TOM1: variants seen among roughly 807,000 people sequenced by gnomAD.
The protein encoded by TOM1 is target of myb1 membrane trafficking protein.
In TOM1, 38 loss-of-function variants were observed where a neutral mutation model predicts 61.3. The observed-to-expected ratio is 0.62, with a 90% CI of 0.48 to 0.81. The LOEUF is 0.81. Ranked by LOEUF, TOM1 falls within the 40% of genes least tolerant of loss-of-function variation. The pLI is 0.00. For missense variants in TOM1, 591 were observed against 659.6 expected (o/e 0.90, Z 1.14); for synonymous variants, 270 against 268.8 (o/e 1.00, Z -0.04).
chr22:35,318,154 G>T (rs1927470486), intron 2 of TOM1, 193 bp downstream of exon 2: 1 of 587,330 alleles, frequency 1.7e-6, no homozygotes, highest in Admixed American at 2.9e-5. Context: ...GGAATTCACA[G>T]CTGGCCCCTG....
chr22:35,334,382 G>A lies in TOM1; in HGVS notation c.1082G>A (p.Arg361Gln), dbSNP rs780838595. The part of the protein sequence containing the change: ...AGLQSLEASG[R>Q]LEDEFDMFAL... Reference sequence around the variant, plus strand: ...CTGCAGTCTCTGGAGGCCTCTGGTCGACTGGAAGATGAGTTTGACATGTTT... The same window carrying A: ...CTGCAGTCTCTGGAGGCCTCTGGTCAACTGGAAGATGAGTTTGACATGTTT... Residue 361 changes from arginine (R) to glutamine (Q), a missense_variant, in exon 11 of 15, where the codon CGA becomes CAA. By Grantham distance (43) the Arg-to-Gln change is conservative (BLOSUM62 1). Transcript: ENST00000449058. The A allele has an allele frequency of 8.7e-6, 14 of 1,614,020 alleles. No homozygotes were observed. Among genetic ancestry groups the A allele is most frequent in the East Asian group, 2.2e-5 (1 of 44,890 alleles).
chr22:35,320,481 C>A (rs570780220), intron 2 of TOM1, among the ~76,000 whole-genome samples: 10 of 152,198 alleles, frequency 6.6e-5, no homozygotes. Context: ...CCTCCCCGAC[C>A]TCCCCCACAC....
At chr22:35,312,079 CT>C (rs1259116401) in intron 1 of TOM1, among the ~76,000 whole-genome samples, 4 of 151,970 alleles carry the variant, frequency 2.6e-5, no homozygotes, top group Non-Finnish European at 5.9e-5. Flanking sequence ...GTGGTGAAAC[CT>C]CATCTCTACT....
intron 12 of TOM1, chr22:35,345,246 C>T (rs1601721644): frequency 3.2e-5 from 6 of 188,044 alleles, no homozygotes; most frequent in Admixed American, 2.7e-4. Context: ...TCTGCAGAGA[C>T]ACCAGGGGAT....
At chr22:35,305,176 G>C (rs892605359) in intron 1 of TOM1, among the ~76,000 whole-genome samples, 2 of 152,234 alleles carry the variant, frequency 1.3e-5, no homozygotes, top group South Asian at 4.1e-4. Context: ...GAGACACCAG[G>C]CTGGGAGGCG....
intron 11 of TOM1, among the ~76,000 whole-genome samples, chr22:35,337,903 A>G (rs1026322185): frequency 2.0e-5 from 3 of 152,180 alleles, no homozygotes; most frequent in Non-Finnish European, 4.4e-5. Context: ...TGGGTCCCCA[A>G]CACCTGCCCT....
chr22:35,346,159 G>A (rs1930489381), intron 13 of TOM1, among the ~76,000 whole-genome samples: 1 of 152,232 alleles, frequency 6.6e-6, no homozygotes. Flanking sequence ...TCACCACCCT[G>A]TTTACAGATC....
chr22:35,322,427 T>C (rs774858180), intron 3 of TOM1: 5 of 234,930 alleles, frequency 2.1e-5, no homozygotes, highest in Non-Finnish European at 4.2e-5. Context: ...TAAATACCAG[T>C]GGCTGAGAAC....
At chr22:35,325,915 T>C (rs753632416) in intron 6 of TOM1, among the ~76,000 whole-genome samples, 4 of 152,212 alleles carry the variant, frequency 2.6e-5, no homozygotes, top group Non-Finnish European at 5.9e-5. Flanking sequence ...CTGATTTGGA[T>C]ACATGGGGTT....
chr22:35,331,530 G>A (rs944787420), intron 8 of TOM1: 17 of 323,434 alleles, frequency 5.3e-5, no homozygotes, highest in Middle Eastern at 7.9e-4. Flanking sequence ...CAGCCCCACC[G>A]GGATGATGTG....
intron 6 of TOM1, among the ~76,000 whole-genome samples, chr22:35,326,444 C>T (rs74747041): frequency 0.022 from 3,317 of 152,268 alleles, 125 homozygotes; most frequent in African/African-American, 0.075. Context: ...TTTCCCCAAG[C>T]CCAACTCCTT....
At chr22:35,334,305 A>G (rs1403544457) in intron 10 of TOM1, 23 bp from the exon 11 acceptor site, 1 of 1,603,616 alleles carries the variant, frequency 6.2e-7, no homozygotes, top group South Asian at 1.1e-5. Flanking sequence ...TGGGTCTTTC[A>G]CGTGGCCTTT....
intron 7 of TOM1, 116 bp from the exon 8 acceptor site, chr22:35,330,231 A>G (rs1420806596): frequency 1.9e-6 from 2 of 1,080,100 alleles, no homozygotes; most frequent in African/African-American, 1.6e-5. Context: ...GCAGTGAGCC[A>G]AGATCGCACC....
rs866670817 is a variant in TOM1 at position 35,339,781 on chromosome 22, G to A, written c.1224+993G>A. On this transcript the variant is annotated intron_variant, in intron 12 of 14. Transcript: ENST00000449058. The stretch of plus-strand genomic sequence containing the variant: ...TAGCCGGGCGTGGTGGCGGGCGCCT[G>A]TAGTCCCAGCTACTTGGGAGGCTGA... Among the ~76,000 whole-genome samples, 46 of 151,804 alleles carry A rather than the reference G, an allele frequency of 3.0e-4. 1 individual carries two copies. In the Middle Eastern group the frequency reaches 0.014, roughly 45 times the overall value.
chr22:35,341,314 C>T (rs763176053), intron 12 of TOM1, among the ~76,000 whole-genome samples: 18 of 152,308 alleles, frequency 1.2e-4, no homozygotes, highest in African/African-American at 2.6e-4. Flanking sequence ...TTCGCAGTAC[C>T]GCCATGTCCT....
chr22:35,338,612 T>C, intron 11 of TOM1, 101 bp from the exon 12 acceptor site: 3 of 927,492 alleles, frequency 3.2e-6, no homozygotes, highest in Non-Finnish European at 4.7e-6. Flanking sequence ...CAGGCAGGCC[T>C]GGAGGATGGG....
In TOM1 at chr22:35,323,069, C is replaced by T. The variant is rs748047226; in HGVS notation, c.258C>T (p.His86=). Residue 86 remains histidine, a synonymous_variant, in exon 4 of 15, where the codon CAC becomes CAT. Transcript: ENST00000449058. The surrounding 1 kb of genome is among the most constrained non-coding windows in gnomAD (Gnocchi z 4.2). Reference sequence around the variant, plus strand: ...TCAAGAACTGCGGGCACCGCTTCCACGTGCTGGTGGCCAGCCAGGACTTCG... The same window carrying T: ...TCAAGAACTGCGGGCACCGCTTCCATGTGCTGGTGGCCAGCCAGGACTTCG... ...TCVKNCGHRF[H]VLVASQDFVE... 1.5e-5 allele frequency: 24 copies of T among 1,614,042 alleles called. No homozygotes were observed. The highest frequency in any genetic ancestry group is 5.0e-5 in the Admixed American group (3 of 60,006).
At chr22:35,329,484 A>C (rs1334693502) in intron 7 of TOM1, among the ~76,000 whole-genome samples, 1 of 152,266 alleles carries the variant, frequency 6.6e-6, no homozygotes, top group Non-Finnish European at 1.5e-5. Context: ...GCCAGGGTCA[A>C]GGGTATATGG....
At chr22:35,319,105 A>T (rs73172703) in intron 2 of TOM1, among the ~76,000 whole-genome samples, 1 of 152,240 alleles carries the variant, frequency 6.6e-6, no homozygotes, top group Non-Finnish European at 1.5e-5. Context: ...AGGGTGAGGG[A>T]AGGAGTGGTG....
Sources: allele counts gnomAD v4.1 joint callset (sites outside exome capture counted in the v4.1 genomes callset), GRCh38; gene constraint gnomAD v4.1.1; non-coding constraint Gnocchi (gnomAD v3.1); transcripts MANE v1.5; gene names NCBI Gene and HGNC (gene_info 2026-07-23, HGNC 2026-07-21).